The following SPAG16 variants were observed in gnomAD, a reference collection of about 807,000 sequenced individuals.
The protein encoded by SPAG16 is sperm-associated antigen 16 protein.
SPAG16 carries 86 observed loss-of-function variants against 80.4 expected under a neutral mutation model. The observed-to-expected ratio is 1.07, with a 90% CI of 0.90 to 1.28. The LOEUF (loss-of-function observed/expected upper bound fraction) is 1.28, where lower values mean the gene tolerates loss of function less well. Ranked by LOEUF, SPAG16 falls within the 50% of genes most tolerant of loss-of-function variation. SPAG16 has a pLI of 0.00. For synonymous variants in SPAG16, 294 were observed against 265.9 expected (o/e 1.11, Z -1.03); for missense variants, 870 against 765.3 (o/e 1.14, Z -1.61).
At chr2:214,215,724 T>G (rs1576515683) in intron 15 of SPAG16, among the ~76,000 whole-genome samples, 1 of 152,236 alleles carries the variant, frequency 6.6e-6, no homozygotes, top group African/African-American at 2.4e-5. Context: ...TGAGCCTATG[T>G]GGTCTCTCTT....
At chr2:214,084,648 C>T (rs76992820) in intron 13 of SPAG16, among the ~76,000 whole-genome samples, 1 of 152,270 alleles carries the variant, frequency 6.6e-6, no homozygotes, top group East Asian at 1.9e-4. Flanking sequence ...TGTACATTTA[C>T]AATTACTGAC....
chr2:214,148,860 G>T (rs1004795370), intron 14 of SPAG16, among the ~76,000 whole-genome samples: 1 of 151,574 alleles, frequency 6.6e-6, no homozygotes, highest in African/African-American at 2.4e-5. Flanking sequence ...TGTCTGAAAC[G>T]TTAACTCCAA....
At chr2:213,706,939 T>C (rs1175593501) in intron 10 of SPAG16, among the ~76,000 whole-genome samples, 1 of 152,206 alleles carries the variant, frequency 6.6e-6, no homozygotes, top group Non-Finnish European at 1.5e-5. Context: ...ACAGGGTTGC[T>C]TGAGTGTCCT....
At chr2:214,154,498 A>G (rs1211224182) in intron 15 of SPAG16, among the ~76,000 whole-genome samples, 1 of 119,118 alleles carries the variant, frequency 8.4e-6, no homozygotes, top group African/African-American at 3.2e-5. Flanking sequence ...AAAGTATCAG[A>G]CCCCCCCCCC....
intron 10 of SPAG16, among the ~76,000 whole-genome samples, chr2:213,511,771 T>C (rs1260749808): frequency 1.3e-5 from 2 of 152,100 alleles, no homozygotes; most frequent in Non-Finnish European, 2.9e-5. Context: ...CCTTTAAGTG[T>C]CTCATATTCA....
At chr2:213,364,571 A>G (rs1367295988) in intron 8 of SPAG16, 3 of 153,344 alleles carry the variant, frequency 2.0e-5, no homozygotes, top group African/African-American at 7.2e-5. Flanking sequence ...CTTTGTGGAG[A>G]TGGAAGCCAA....
intron 9 of SPAG16, among the ~76,000 whole-genome samples, chr2:213,487,344 C>CA (rs997423499): frequency 1.3e-5 from 2 of 151,684 alleles, no homozygotes; most frequent in African/African-American, 4.8e-5. Context: ...CTTGTCAATA[C>CA]AAAAAAAGGT....
intron 9 of SPAG16, among the ~76,000 whole-genome samples, chr2:213,441,923 G>T (rs1005013108): frequency 1.3e-5 from 2 of 152,184 alleles, no homozygotes; most frequent in Non-Finnish European, 2.9e-5. Flanking sequence ...GAGACAGGTG[G>T]ATCACTTCAA....
intron 11 of SPAG16, among the ~76,000 whole-genome samples, chr2:213,898,155 G>T (rs1207317539): frequency 6.6e-6 from 1 of 152,140 alleles, no homozygotes; most frequent in Non-Finnish European, 1.5e-5. Context: ...ACAAACAACA[G>T]AAAGGTCCAG....
At chr2:213,587,606 A>C (rs1182621635) in intron 10 of SPAG16, among the ~76,000 whole-genome samples, 1 of 152,126 alleles carries the variant, frequency 6.6e-6, no homozygotes, top group Non-Finnish European at 1.5e-5. Context: ...TTTATCAAAT[A>C]GTCACTTGGC....
intron 13 of SPAG16, among the ~76,000 whole-genome samples, chr2:214,062,418 CAAAAAA>C (rs56693089): frequency 1.8e-5 from 1 of 55,400 alleles, no homozygotes; most frequent in African/African-American, 6.4e-5. Flanking sequence ...GACTCTGACT[CAAAAAA>C]AAAAAAAAAA....
intron 13 of SPAG16, among the ~76,000 whole-genome samples, chr2:214,031,698 T>G (rs1159296348): frequency 1.3e-5 from 2 of 151,612 alleles, no homozygotes; most frequent in African/African-American, 4.8e-5. Context: ...CAGGTTTAAT[T>G]GACTCACAGT....
intron 10 of SPAG16, among the ~76,000 whole-genome samples, chr2:213,522,230 T>C (rs1165710427): frequency 1.3e-5 from 2 of 152,186 alleles, no homozygotes; most frequent in Non-Finnish European, 2.9e-5. Flanking sequence ...TTAAGTTTGT[T>C]GATTGGATAA....
intron 11 of SPAG16, among the ~76,000 whole-genome samples, chr2:213,892,015 A>G (rs772026294): frequency 2.0e-5 from 3 of 152,194 alleles, no homozygotes; most frequent in Non-Finnish European, 4.4e-5. Context: ...CAAAGGATGG[A>G]GGTAGAATTA....
chr2:214,266,579 A>G (rs1053891096), intron 15 of SPAG16, among the ~76,000 whole-genome samples: 5 of 151,888 alleles, frequency 3.3e-5, no homozygotes, highest in African/African-American at 1.2e-4. Context: ...ATAATACTGA[A>G]AATCCAAGAC....
intron 9 of SPAG16, among the ~76,000 whole-genome samples, chr2:213,456,171 A>G (rs981908646): frequency 2.0e-5 from 3 of 152,190 alleles, no homozygotes; most frequent in Non-Finnish European, 4.4e-5. Flanking sequence ...TCATATTGTT[A>G]TTAAGTTTTT....
At chr2:213,976,178 A>G (rs77481695) in intron 12 of SPAG16, among the ~76,000 whole-genome samples, 1,691 of 149,318 alleles carry the variant, frequency 0.011, 32 homozygotes, top group African/African-American at 0.04. Flanking sequence ...ATATATATAC[A>G]TGTATGTGCG....
intron 15 of SPAG16, among the ~76,000 whole-genome samples, chr2:214,269,938 G>A (rs1005229303): frequency 2.0e-5 from 3 of 146,582 alleles, no homozygotes; most frequent in Non-Finnish European, 3.1e-5. Flanking sequence ...TTTCCTGATC[G>A]AGATCTTATA....
chr2:213,490,955 T>A (rs974553475), intron 10 of SPAG16, among the ~76,000 whole-genome samples: 1 of 151,340 alleles, frequency 6.6e-6, no homozygotes, highest in African/African-American at 2.4e-5. Flanking sequence ...ATAGTGAGTA[T>A]TTTTTTTTCA....
Sources: gnomAD v4.1 joint callset for allele counts (sites outside exome capture counted in the v4.1 genomes callset) on GRCh38, gnomAD v4.1.1 for gene constraint, MANE v1.5 for transcripts, NCBI Gene and HGNC (gene_info 2026-07-23, HGNC 2026-07-21) for gene names.